Variants in CNBD1 observed in about 807,000 individuals in gnomAD.
CNBD1 encodes cyclic nucleotide binding domain containing 1.
Under a neutral mutation model 54.4 loss-of-function variants are expected in CNBD1, and 71 were observed. That is an observed-to-expected ratio of 1.30 (90% CI 1.08 to 1.59). The LOEUF is 1.59. CNBD1 is among the 40% of genes most tolerant of loss of function. CNBD1 has a pLI of 0.00. For synonymous variants in CNBD1, 182 were observed against 170.7 expected (o/e 1.07, Z -0.51); for missense variants, 659 against 518.0 (o/e 1.27, Z -2.64).
chr8:87,314,705 C>A (rs1285621716), intron 8 of CNBD1, among the ~76,000 whole-genome samples: 3 of 151,756 alleles, frequency 2.0e-5, no homozygotes, highest in Non-Finnish European at 2.9e-5. Flanking sequence ...TAAAATCTTG[C>A]AAGATGAATA....
At chr8:87,152,878 A>G (rs1428576051) in intron 4 of CNBD1, among the ~76,000 whole-genome samples, 1 of 152,180 alleles carries the variant, frequency 6.6e-6, no homozygotes, top group African/African-American at 2.4e-5. Flanking sequence ...GTTGTGTTAT[A>G]TTAGTTTCAC....
downstream of CNBD1, chr8:87,382,873 G>A (rs1811110235): frequency 5.4e-6 from 2 of 372,388 alleles, no homozygotes; most frequent in Non-Finnish European, 9.7e-6. Context: ...CTGTTGATAC[G>A]AAGGTTTTCT....
At chr8:87,028,901 G>T (rs139314215) in intron 4 of CNBD1, among the ~76,000 whole-genome samples, 63 of 152,288 alleles carry the variant, frequency 4.1e-4, no homozygotes, top group African/African-American at 1.4e-3. Flanking sequence ...TATTTTCTCT[G>T]CAACAAGGTG....
chr8:86,937,953 C>G (rs565799038), intron 3 of CNBD1, among the ~76,000 whole-genome samples: 1 of 152,296 alleles, frequency 6.6e-6, no homozygotes, highest in Admixed American at 6.5e-5. Context: ...TTATGCTCTG[C>G]TTCCCTTTTA....
intron 8 of CNBD1, among the ~76,000 whole-genome samples, chr8:87,330,588 G>A (rs1260474155): frequency 2.6e-5 from 4 of 152,166 alleles, no homozygotes; most frequent in Non-Finnish European, 2.9e-5. Context: ...AATATTTTCA[G>A]TTGTTCTGGA....
chr8:87,356,190 A>G (rs751494272), intron 10 of CNBD1, among the ~76,000 whole-genome samples: 23 of 152,164 alleles, frequency 1.5e-4, no homozygotes, highest in Non-Finnish European at 2.9e-4. Context: ...ACACAAAACT[A>G]ATACAGACGT....
chr8:87,216,199 G>C lies in CNBD1; in HGVS notation c.577+10061G>C, dbSNP rs1814208203. Among the ~76,000 whole-genome samples the C allele has an allele frequency of 2.6e-5, 4 of 152,138 alleles. No individual in the cohort carries two copies. In the South Asian group the frequency reaches 8.3e-4, roughly 31 times the overall value. On this transcript the variant is annotated intron_variant, in intron 5 of 10. Coordinates refer to ENST00000518476, the MANE Select transcript of CNBD1 (RefSeq NM_173538.3). ...TGCAAGCCAGCTCCTAGAGAGCCCTGTGATTGAAATCAATTTCTTTTAATA... is the reference window on the plus strand; with the variant it reads ...TGCAAGCCAGCTCCTAGAGAGCCCTCTGATTGAAATCAATTTCTTTTAATA...
intron 3 of CNBD1, among the ~76,000 whole-genome samples, chr8:86,926,709 C>T (rs1299007282): frequency 6.6e-6 from 1 of 152,170 alleles, no homozygotes; most frequent in Non-Finnish European, 1.5e-5. Context: ...GTGAGGAGGT[C>T]CAGGCCCCAG....
chr8:87,413,136 C>T (rs190311027), intron 2 of CNBD1, among the ~76,000 whole-genome samples: 5 of 152,012 alleles, frequency 3.3e-5, no homozygotes, highest in African/African-American at 1.2e-4. Flanking sequence ...AGGAGATATG[C>T]GGCCTTATAT....
intron 2 of CNBD1, among the ~76,000 whole-genome samples, chr8:87,413,328 T>C (rs558666767): frequency 3.0e-4 from 46 of 152,198 alleles, no homozygotes; most frequent in African/African-American, 9.6e-4. Flanking sequence ...TAAATTTCTA[T>C]AGTTGTGTTT....
At chr8:87,257,369 C>CAAAAAAAA (rs771338208) in intron 6 of CNBD1, among the ~76,000 whole-genome samples, 7 of 67,540 alleles carry the variant, frequency 1.0e-4, no homozygotes, top group Admixed American at 1.8e-4. Flanking sequence ...AACTCTATCG[C>CAAAAAAAA]AAAAAAAAAA....
chr8:87,091,139 C>CAAA (rs751329879), intron 4 of CNBD1, among the ~76,000 whole-genome samples: 12 of 73,972 alleles, frequency 1.6e-4, no homozygotes, highest in East Asian at 4.7e-4. Flanking sequence ...GACTCTGTCT[C>CAAA]AAAAAAAAAA....
intron 8 of CNBD1, among the ~76,000 whole-genome samples, chr8:87,350,786 G>A (rs1460501388): frequency 6.6e-6 from 1 of 151,796 alleles, no homozygotes; most frequent in Admixed American, 6.6e-5. Context: ...TCATAACGTA[G>A]AAAATATTTT....
intron 8 of CNBD1, among the ~76,000 whole-genome samples, chr8:87,306,672 A>G (rs1174914411): frequency 6.6e-6 from 1 of 152,142 alleles, no homozygotes; most frequent in African/African-American, 2.4e-5. Flanking sequence ...TGGAAAACCA[A>G]ACATCATATG....
At position 87,298,524 on chromosome 8, in the gene CNBD1, G is replaced by A. The variant is rs183501910; in HGVS notation, c.1042+11853G>A. Among the ~76,000 whole-genome samples, 543 of 141,354 alleles carry A rather than the reference G, an allele frequency of 3.8e-3. 6 individuals are homozygous for A. The highest frequency in any genetic ancestry group is 0.014 in the African/African-American group (521 of 37,622). The allele number at this position is 141,354 out of a possible 152,430, so 92.7% of individuals were successfully genotyped here. The stretch of plus-strand genomic sequence containing the variant: ...TTTTGAGATGGAGCCTCTCACTGTC[G>A]CCCAGGCTGGAGTACAGTGGAGCAA... On this transcript the variant is annotated intron_variant, in intron 8 of 10. Transcript: ENST00000518476.
In CNBD1 at chr8:87,086,023, C is replaced by T. The variant is rs111701166; in HGVS notation, c.432-119970C>T. 2.4e-3 allele frequency among the ~76,000 whole-genome samples: 372 copies of T among 152,194 alleles called. 4 individuals are homozygous for T. Among genetic ancestry groups the T allele is most frequent in the African/African-American group, 8.5e-3 (351 of 41,516 alleles). On this transcript the variant is annotated intron_variant, in intron 4 of 10. Transcript: ENST00000518476. The stretch of plus-strand genomic sequence containing the variant: ...ATCATGCTTTCCCTCAGTGTCTGTT[C>T]CTTCCCTTTTTCAGGTCTTTTAGTG...
At chr8:87,394,242 A>T (rs564954121) in intron 2 of CNBD1, among the ~76,000 whole-genome samples, 1 of 151,986 alleles carries the variant, frequency 6.6e-6, no homozygotes, top group African/African-American at 2.4e-5. Context: ...GACTCCTAAC[A>T]ATGCAAAGCG....
chr8:87,003,199 G>T (rs1373342334), intron 4 of CNBD1, among the ~76,000 whole-genome samples: 1 of 152,084 alleles, frequency 6.6e-6, no homozygotes, highest in African/African-American at 2.4e-5. Context: ...GATATGAAGG[G>T]ATATATTTAA....
intron 3 of CNBD1, among the ~76,000 whole-genome samples, chr8:86,907,393 C>G (rs1353526772): frequency 6.6e-6 from 1 of 152,096 alleles, no homozygotes; most frequent in African/African-American, 2.4e-5. Flanking sequence ...AGGGGCCGGG[C>G]GTGGTGGCTC....
Sources: gnomAD v4.1 joint callset for allele counts (sites outside exome capture counted in the v4.1 genomes callset) on GRCh38, gnomAD v4.1.1 for gene constraint, MANE v1.5 for transcripts, NCBI Gene and HGNC (gene_info 2026-07-23, HGNC 2026-07-21) for gene names.